ARHGAP32: variants seen among roughly 807,000 people sequenced by gnomAD.
ARHGAP32 encodes Rho GTPase activating protein 32.
Under a neutral mutation model 186.5 loss-of-function variants are expected in ARHGAP32, and 51 were observed. That is an observed-to-expected ratio of 0.27 (90% CI 0.22 to 0.35). The LOEUF is 0.35. ARHGAP32 is among the 10% of genes least tolerant of loss of function. The pLI is 1.00. For missense variants in ARHGAP32, 2,186 were observed against 2,623.5 expected (o/e 0.83, Z 3.64); for synonymous variants, 950 against 964.3 (o/e 0.99, Z 0.27).
rs943587883 is a variant in ARHGAP32 at position 129,123,600 on chromosome 11, T to C, written c.360-70A>G. 7.1e-7 allele frequency: 1 copy of C among 1,409,400 alleles called. No homozygotes were observed. The highest frequency in any genetic ancestry group is 1.2e-5 in the South Asian group (1 of 82,604). The allele number at this position is 1,409,400 out of a possible 1,614,324, so 87.3% of individuals were successfully genotyped here. ...AAAATTACTAAGTTTAAGGGAAAAA[T>C]ACAGTGGATTTAAGAGCTCATGCAA... On this transcript the variant is annotated intron_variant, in intron 4 of 22. Coordinates refer to ENST00000682385, the MANE Select transcript of ARHGAP32 (RefSeq NM_001378024.1). The surrounding 1 kb of genome is among the most constrained non-coding windows in gnomAD (Gnocchi z 4.6).
intron 11 of ARHGAP32, among the ~76,000 whole-genome samples, chr11:129,025,860 ATAT>A (rs1412560268): frequency 6.1e-5 from 9 of 148,714 alleles, no homozygotes; most frequent in East Asian, 3.9e-4. Flanking sequence ...TATATATAAC[ATAT>A]TATTTAAGTA....
In ARHGAP32 at chr11:129,269,716, C is replaced by A. The variant is rs893431830; in HGVS notation, c.-5+9430G>T. 7.2e-5 allele frequency among the ~76,000 whole-genome samples: 11 copies of A among 151,970 alleles called. No homozygotes were observed. The East Asian group carries it at 2.1e-3, about 29-fold the overall frequency. ...TGGGTGACAGAGTAAAACCCTGTCT[C>A]TAAAAAAAATTAAAAATAAGTCATT... is the stretch of plus-strand genomic sequence containing the variant. On this transcript the variant is annotated intron_variant, in intron 1 of 6. Transcript: ENST00000525234.
At chr11:129,212,133 T>G (rs1425861738) in intron 1 of ARHGAP32, among the ~76,000 whole-genome samples, 2 of 152,036 alleles carry the variant, frequency 1.3e-5, no homozygotes, top group African/African-American at 4.8e-5. Flanking sequence ...CCAGCCTGGG[T>G]GACAGAGCAA....
chr11:129,177,632 T>C (rs1591675174), intron 1 of ARHGAP32, among the ~76,000 whole-genome samples: 1 of 152,218 alleles, frequency 6.6e-6, no homozygotes, highest in South Asian at 2.1e-4. Context: ...GCTGGTTCAA[T>C]ATAAGCAAAT....
At chr11:129,127,523 A>G (rs1214419186) in intron 2 of ARHGAP32, among the ~76,000 whole-genome samples, 1 of 145,408 alleles carries the variant, frequency 6.9e-6, no homozygotes, top group African/African-American at 2.6e-5. Flanking sequence ...ACACTTTAAC[A>G]TAACAAGGTT....
intron 1 of ARHGAP32, among the ~76,000 whole-genome samples, chr11:129,253,007 G>A (rs1945206555): frequency 6.6e-6 from 1 of 152,174 alleles, no homozygotes; most frequent in Non-Finnish European, 1.5e-5. Context: ...ACAATAAGGA[G>A]GCTGCAGCAA....
intron 10 of ARHGAP32, among the ~76,000 whole-genome samples, chr11:129,059,703 T>C (rs891391872): frequency 6.6e-6 from 1 of 152,056 alleles, no homozygotes; most frequent in Non-Finnish European, 1.5e-5. Context: ...TTTCATCATG[T>C]TGGCCAGGCT....
chr11:129,254,818 A>C (rs1342385137), intron 1 of ARHGAP32, among the ~76,000 whole-genome samples: 1 of 152,118 alleles, frequency 6.6e-6, no homozygotes, highest in African/African-American at 2.4e-5. Context: ...TTACTACTGA[A>C]CACTGCAGTG....
chr11:129,059,565 T>C (rs921588589), intron 10 of ARHGAP32, among the ~76,000 whole-genome samples: 3 of 147,394 alleles, frequency 2.0e-5, no homozygotes, highest in African/African-American at 7.6e-5. Flanking sequence ...AGTGGCATGA[T>C]CTCAGCTCAC....
At chr11:128,979,595 T>C (rs968119328) in intron 18 of ARHGAP32, among the ~76,000 whole-genome samples, 10 of 152,200 alleles carry the variant, frequency 6.6e-5, no homozygotes, top group African/African-American at 2.4e-4. Context: ...GGAACTAGAA[T>C]ATAAAATCAA....
chr11:128,986,905 T>C (rs1945889616), intron 13 of ARHGAP32, among the ~76,000 whole-genome samples: 1 of 152,200 alleles, frequency 6.6e-6, no homozygotes, highest in South Asian at 2.1e-4. Context: ...AATATTAAAA[T>C]GGACAATAGC....
At chr11:129,201,742 A>G (rs1273806288) in intron 1 of ARHGAP32, among the ~76,000 whole-genome samples, 1 of 152,194 alleles carries the variant, frequency 6.6e-6, no homozygotes, top group East Asian at 1.9e-4. Flanking sequence ...GTACTTTGGG[A>G]GGCCAAGGCA....
chr11:129,209,825 C>A (rs1286660373), intron 1 of ARHGAP32, among the ~76,000 whole-genome samples: 2 of 152,092 alleles, frequency 1.3e-5, no homozygotes, highest in Non-Finnish European at 2.9e-5. Flanking sequence ...ACTTAGAACA[C>A]GAAGGATACC....
At chr11:128,996,747 A>G (rs1946210925) in intron 12 of ARHGAP32, among the ~76,000 whole-genome samples, 1 of 151,932 alleles carries the variant, frequency 6.6e-6, no homozygotes, top group Admixed American at 6.6e-5. Flanking sequence ...TTTCACTCAC[A>G]TTTCATTCTC....
intron 1 of ARHGAP32, among the ~76,000 whole-genome samples, chr11:129,230,376 G>A (rs1591707948): frequency 2.6e-5 from 4 of 152,208 alleles, no homozygotes; most frequent in Admixed American, 1.3e-4. Flanking sequence ...GTTTTTGGAC[G>A]TGGATAAAAG....
Position 129,239,358 on chromosome 11 carries a change from G to A in ARHGAP32, c.-5+39788C>T, listed in dbSNP as rs117244750. 8.1e-3 allele frequency among the ~76,000 whole-genome samples: 1,234 copies of A among 152,210 alleles called. 9 individuals carry two copies. Among genetic ancestry groups the A allele is most frequent in the South Asian group, 0.031 (149 of 4,826 alleles). The stretch of plus-strand genomic sequence containing the variant: ...AATCTCATTTATGCATCACAGCAGC[G>A]CTGTAAGGAGGGTACTAGCATTACC... On this transcript the variant is annotated intron_variant, in intron 1 of 6. Transcript: ENST00000525234.
chr11:129,077,617 C>T (rs1429017174), intron 6 of ARHGAP32, among the ~76,000 whole-genome samples: 1 of 152,066 alleles, frequency 6.6e-6, no homozygotes, highest in African/African-American at 2.4e-5. Context: ...GAATCACACC[C>T]CATCCCCCAC....
intron 11 of ARHGAP32, among the ~76,000 whole-genome samples, chr11:129,004,397 C>T (rs975282667): frequency 6.6e-6 from 1 of 151,932 alleles, no homozygotes; most frequent in African/African-American, 2.4e-5. Context: ...TCTATTTAGT[C>T]TATAGTGCAG....
At chr11:129,099,606 T>C (rs948606013) in intron 5 of ARHGAP32, among the ~76,000 whole-genome samples, 1 of 152,134 alleles carries the variant, frequency 6.6e-6, no homozygotes, top group Non-Finnish European at 1.5e-5. Flanking sequence ...GAAAAAGATA[T>C]TCCATGCAAA....
Sources: allele counts gnomAD v4.1 joint callset (sites outside exome capture counted in the v4.1 genomes callset), GRCh38; gene constraint gnomAD v4.1.1; non-coding constraint Gnocchi (gnomAD v3.1); transcripts MANE v1.5; gene names NCBI Gene and HGNC (gene_info 2026-07-23, HGNC 2026-07-21).